HEATR6: variants seen among roughly 807,000 people sequenced by gnomAD.
The protein encoded by HEATR6 is HEAT repeat containing 6, also known as HEAT repeat-containing protein 6.
Under a neutral mutation model 132.8 loss-of-function variants are expected in HEATR6, and 106 were observed. That is an observed-to-expected ratio of 0.80 (90% CI 0.68 to 0.94). HEATR6 has a LOEUF of 0.94. HEATR6 is among the 40% of genes least tolerant of loss of function. The pLI is 0.00. For missense variants in HEATR6, 1,339 were observed against 1,425.1 expected (o/e 0.94, Z 0.97); for synonymous variants, 529 against 537.8 (o/e 0.98, Z 0.23).
At chr17:60,078,191 G>A (rs2083305861) in intron 1 of HEATR6, among the ~76,000 whole-genome samples, 1 of 152,156 alleles carries the variant, frequency 6.6e-6, no homozygotes, top group Non-Finnish European at 1.5e-5. Context: ...TCAGAAAGAC[G>A]GCAGAGGGGA....
chr17:60,046,336 A>T, intron 18 of HEATR6, 107 bp from the exon 19 acceptor site: 1 of 775,528 alleles, frequency 1.3e-6, no homozygotes. Context: ...TTCTTAAAGC[A>T]AGTCCTTGGA....
At position 60,056,243 on chromosome 17, in the gene HEATR6, AAG is replaced by A. The variant is rs1222404795; in HGVS notation, c.2080-8_2080-7del. ...CTTGCCAGAAGAGTCAATACCTGCA[AAG>A]AGAGCATGGAATTAACCCTCTAAGA... is the stretch of plus-strand genomic sequence containing the variant. On this transcript the variant is annotated splice_region_variant and splice_polypyrimidine_tract_variant and intron_variant, in intron 12 of 19. Coordinates refer to ENST00000184956, the MANE Select transcript of HEATR6 (RefSeq NM_022070.5). The A allele has an allele frequency of 2.5e-6, 4 of 1,612,662 alleles. No homozygotes were observed. Among genetic ancestry groups the A allele is most frequent in the Admixed American group, 1.7e-5 (1 of 59,696 alleles).
In HEATR6 at chr17:60,046,106, G is replaced by T; in HGVS notation, c.2893C>A (p.Leu965Ile). Residue 965 changes from leucine to isoleucine, a missense_variant, in exon 19 of 20, where the codon CTA becomes ATA. Coordinates refer to ENST00000184956, the MANE Select transcript of HEATR6 (RefSeq NM_022070.5). The stretch of plus-strand genomic sequence containing the variant: ...CGGACTTTCATGGCAGCTTCTGTTA[G>T]AACAGTAGAAATTAGGGCCTGGATA... The part of the protein sequence containing the change: ...ESIQALISTV[L>I]TEAAMKVRWN... 1 of 1,613,888 alleles carries T rather than the reference G, an allele frequency of 6.2e-7. No homozygotes were observed. Among genetic ancestry groups the T allele is most frequent in the Non-Finnish European group, 8.5e-7 (1 of 1,179,790 alleles).
intron 14 of HEATR6, among the ~76,000 whole-genome samples, chr17:60,051,552 G>T (rs975588550): frequency 6.6e-6 from 1 of 152,142 alleles, no homozygotes; most frequent in African/African-American, 2.4e-5. Context: ...TCTAGTGCAG[G>T]GCCTGGTACA....
chr17:60,067,142 C>T (rs1399388878), intron 8 of HEATR6, among the ~76,000 whole-genome samples: 1 of 150,236 alleles, frequency 6.7e-6, no homozygotes, highest in Admixed American at 6.6e-5. Flanking sequence ...TAGTGGCGGG[C>T]GCCTGTAGTC....
rs1404725186 is a variant in HEATR6 at position 60,043,973 on chromosome 17, A to G, written c.3136T>C (p.Leu1046=). The G allele has an allele frequency of 3.7e-6, 6 of 1,614,124 alleles. No homozygotes were observed. Among genetic ancestry groups the G allele is most frequent in the Non-Finnish European group, 5.1e-6 (6 of 1,180,036 alleles). The change falls in exon 20 of 20, where the codon TTG becomes CTG. Residue 1046 remains leucine, a synonymous_variant. Transcript: ENST00000184956. Reference sequence around the variant, plus strand: ...TCACTCTTCTGTAAAGCGGTGACCAATGCATTCCAGATCCGAGCATACTGG... The same window carrying G: ...TCACTCTTCTGTAAAGCGGTGACCAGTGCATTCCAGATCCGAGCATACTGG... ...VDQYARIWNA[L]VTALQKSEDT... is the part of the protein sequence containing the mutation.
At position 60,057,200 on chromosome 17, in the gene HEATR6, A is replaced by G; in HGVS notation, c.1927T>C (p.Ser643Pro). The G allele has an allele frequency of 6.2e-7, 1 of 1,614,194 alleles. No individual in the cohort carries two copies. The highest frequency in any genetic ancestry group is 8.5e-7 in the Non-Finnish European group (1 of 1,180,026). The change falls in exon 12 of 20, where the codon TCA becomes CCA. Residue 643 changes from serine to proline, a missense_variant. By Grantham distance (74) the Ser-to-Pro change is moderately conservative. Coordinates refer to ENST00000184956, the MANE Select transcript of HEATR6 (RefSeq NM_022070.5). ...CAGGGCTCTGAAGACCCCTTAGGTG[A>G]GCTAACTGACGTTTCTTCCAGAGAG... Reference protein sequence around the residue: ...GPSLEETSVSSPKGSSEPCWL... With the variant: ...GPSLEETSVSPPKGSSEPCWL...
Position 60,057,353 on chromosome 17 carries a change from T to C in HEATR6, c.1774A>G (p.Thr592Ala), listed in dbSNP as rs1906778753. 1 of 1,613,710 alleles carries C rather than the reference T, an allele frequency of 6.2e-7. No homozygotes were observed. Among genetic ancestry groups the C allele is most frequent in the Non-Finnish European group, 8.5e-7 (1 of 1,179,794 alleles). Residue 592 changes from threonine (T) to alanine (A), a missense_variant, in exon 12 of 20, where the codon ACC (threonine) becomes GCC (alanine). Physicochemically the swap from Thr to Ala is moderately conservative, Grantham distance 58. Transcript: ENST00000184956. ...SLTLLGAIVS[T>A]HAPLPEVQLL... ...TGGACTTCAGGTAAAGGTGCGTGGG[T>C]GGACACTATAGCTCCCAAGAGTGTG...
chr17:60,069,727 G>A lies in HEATR6; in HGVS notation c.923C>T (p.Ala308Val). 6.2e-7 allele frequency: 1 copy of A among 1,614,054 alleles called. No homozygotes were observed. The highest frequency in any genetic ancestry group is 8.5e-7 in the Non-Finnish European group (1 of 1,179,964). Residue 308 changes from alanine (A) to valine (V), a missense_variant, in exon 7 of 20, where the codon GCT (alanine) becomes GTT (valine). Physicochemically the swap from Ala to Val is moderately conservative, Grantham distance 64. Coordinates refer to ENST00000184956, the MANE Select transcript of HEATR6 (RefSeq NM_022070.5). ...PIKPQQSESSASRPTLNKKKK... is the reference protein window; with the variant it reads ...PIKPQQSESSVSRPTLNKKKK... ...TAAATGTACCAAAGTTGGTCGAGAA[G>A]CACTGGATTCTGATTGCTGTGGTTT...
intron 1 of HEATR6, among the ~76,000 whole-genome samples, chr17:60,077,794 C>T (rs1260497764): frequency 6.6e-6 from 1 of 152,144 alleles, no homozygotes; most frequent in Admixed American, 6.5e-5. Flanking sequence ...AGGGGATCAG[C>T]GAACAGTCCA....
intron 15 of HEATR6, among the ~76,000 whole-genome samples, chr17:60,050,316 C>G (rs1906535973): frequency 6.6e-6 from 1 of 152,206 alleles, no homozygotes. Flanking sequence ...TAATTCCAGC[C>G]TCCAGAACTA....
chr17:60,046,427 T>C (rs978207193), intron 18 of HEATR6, among the ~76,000 whole-genome samples, 198 bp from the exon 19 acceptor site: 1 of 152,140 alleles, frequency 6.6e-6, no homozygotes, highest in African/African-American at 2.4e-5. Flanking sequence ...TGATTATTTA[T>C]TTATTTATTT....
chr17:60,060,821 G>A (rs1383345131), intron 9 of HEATR6, among the ~76,000 whole-genome samples: 1 of 152,168 alleles, frequency 6.6e-6, no homozygotes, highest in Non-Finnish European at 1.5e-5. Flanking sequence ...TGCAGTGACA[G>A]TATTTGACAA....
rs1331281513 is a variant in HEATR6 at position 60,057,360 on chromosome 17, T to C, written c.1767A>G (p.Ile589Met). Residue 589 changes from isoleucine (I) to methionine (M), a missense_variant, in exon 12 of 20, where the codon ATA (isoleucine) becomes ATG (methionine). Ile to Met is a conservative substitution (Grantham distance 10). Transcript: ENST00000184956. ...CAGGTAAAGGTGCGTGGGTGGACAC[T>C]ATAGCTCCCAAGAGTGTGAGACTTG... ...RVSSLTLLGAIVSTHAPLPEV... is the reference protein window; with the variant it reads ...RVSSLTLLGAMVSTHAPLPEV... The C allele has an allele frequency of 6.2e-7, 1 of 1,612,806 alleles. No homozygotes were observed. The highest frequency in any genetic ancestry group is 8.5e-7 in the Non-Finnish European group (1 of 1,179,340).
At chr17:60,067,974 G>A (rs2083251500) in intron 7 of HEATR6, among the ~76,000 whole-genome samples, 1 of 152,210 alleles carries the variant, frequency 6.6e-6, no homozygotes, top group South Asian at 2.1e-4. Flanking sequence ...AGTTAAACAC[G>A]TGGCCTGGGT....
Position 60,043,697 on chromosome 17 carries a change from GT to G in HEATR6, c.3411del (p.Lys1137AsnfsTer22), listed in dbSNP as rs1430422591. On this transcript the variant is annotated frameshift_variant, in exon 20 of 20. Coordinates refer to ENST00000184956, the MANE Select transcript of HEATR6 (RefSeq NM_022070.5). LOFTEE classifies it high-confidence loss of function. ...GTTGGTGCCTGGATGCTGCCCATGT[GT>G]TTAAGGGCCATTCTGACCATCTGGT... ...ERDQMVRMALKHMGSIQAPTG... is the reference protein window; with the variant it reads ...ERDQMVRMALXHMGSIQAPTG... 2 of 1,614,046 alleles carry G rather than the reference GT, an allele frequency of 1.2e-6. No individual in the cohort carries two copies. Among genetic ancestry groups the G allele is most frequent in the African/African-American group, 2.7e-5 (2 of 74,924 alleles).
chr17:60,066,258 G>T lies in HEATR6; in HGVS notation c.1367C>A (p.Pro456Gln). Residue 456 changes from proline (P) to glutamine (Q), a missense_variant, in exon 9 of 20, where the codon CCA becomes CAA. Coordinates refer to ENST00000184956, the MANE Select transcript of HEATR6 (RefSeq NM_022070.5). Reference sequence around the variant, plus strand: ...AAGAGTCATCAAGGACACTGACTGTGGGCTGCCAAGTTCAGGCGTATCAGG... The same window carrying T: ...AAGAGTCATCAAGGACACTGACTGTTGGCTGCCAAGTTCAGGCGTATCAGG... ...FIPDTPELGSPQSVSLMTLTL... is the reference protein window; with the variant it reads ...FIPDTPELGSQQSVSLMTLTL... 6.2e-7 allele frequency: 1 copy of T among 1,614,014 alleles called. No homozygotes were observed. The highest frequency in any genetic ancestry group is 8.5e-7 in the Non-Finnish European group (1 of 1,179,936).
chr17:60,074,316 G>A (rs2083286474), intron 2 of HEATR6, among the ~76,000 whole-genome samples: 2 of 152,192 alleles, frequency 1.3e-5, no homozygotes, highest in South Asian at 2.1e-4. Context: ...TGAAGAGAGG[G>A]CATATCCCTG....
chr17:60,078,680 A>G lies in HEATR6; in HGVS notation c.219+16T>C, dbSNP rs1447623467. 4 of 1,531,680 alleles carry G rather than the reference A, an allele frequency of 2.6e-6. No homozygotes were observed. In the Admixed American group the frequency reaches 7.9e-5, roughly 30 times the overall value. 94.9% of individuals were successfully genotyped at this position (1,531,680 alleles called of 1,614,324 possible). A position where few individuals can be genotyped will look rare whatever the true frequency, so the allele number is the denominator to read the frequency against. The stretch of plus-strand genomic sequence containing the variant: ...GGGTGGGGCCGGGGCCGGGGCCAGC[A>G]GGGCGCGCCGCCTACCTCCGGGGCC... On this transcript the variant is annotated intron_variant, in intron 1 of 19. Coordinates refer to ENST00000184956, the MANE Select transcript of HEATR6 (RefSeq NM_022070.5).
Sources: gnomAD v4.1 joint callset for allele counts (sites outside exome capture counted in the v4.1 genomes callset) on GRCh38, gnomAD v4.1.1 for gene constraint, MANE v1.5 for transcripts, NCBI Gene and HGNC (gene_info 2026-07-23, HGNC 2026-07-21) for gene names.